The following STX10 variants were observed in gnomAD, a reference collection of about 807,000 sequenced individuals.
The protein encoded by STX10 is syntaxin 10, also known as syntaxin-10.
A neutral mutation model predicts 34.1 loss-of-function variants in STX10; 35 were observed. The observed-to-expected ratio is 1.03, with a 90% CI of 0.78 to 1.36. STX10 has a LOEUF of 1.36. Among genes scored for constraint, STX10 ranks in the 40% most tolerant of loss-of-function variants. STX10 has a pLI of 0.00. For missense variants in STX10, 361 were observed against 335.5 expected (o/e 1.08, Z -0.59); for synonymous variants, 155 against 132.9 (o/e 1.17, Z -1.15).
intron 5 of STX10, among the ~76,000 whole-genome samples, chr19:13,145,083 C>T (rs1215901876): frequency 6.6e-6 from 1 of 152,030 alleles, no homozygotes; most frequent in Non-Finnish European, 1.5e-5. Flanking sequence ...CCTGTAATCC[C>T]AGCTACTAGG....
intron 4 of STX10, 156 bp from the exon 5 acceptor site, chr19:13,145,551 C>A: frequency 1.6e-6 from 1 of 612,586 alleles, no homozygotes. Flanking sequence ...ACCCAGAGAC[C>A]CCATCATTTG....
chr19:13,145,210 C>T (rs906047670), intron 5 of STX10, 78 bp downstream of exon 5: 1 of 1,381,946 alleles, frequency 7.2e-7, no homozygotes, highest in Non-Finnish European at 1.0e-6. Context: ...ACAACAACAA[C>T]AACAAAAAGG....
chr19:13,145,185 C>T (rs1382825358), intron 5 of STX10, 103 bp downstream of exon 5: 7 of 1,141,136 alleles, frequency 6.1e-6, no homozygotes, highest in Non-Finnish European at 7.5e-6. Context: ...GGCGACAAAG[C>T]GAAACTCCAT....
rs184504099 is a variant in STX10 at position 13,150,326 on chromosome 19, C to A, written c.-153G>T. On this transcript the variant is annotated 5_prime_UTR_variant, in exon 1 of 8. Coordinates refer to ENST00000587230, the MANE Select transcript of STX10 (RefSeq NM_003765.3). The surrounding 1 kb of genome is among the most constrained non-coding windows in gnomAD (Gnocchi z 4.0). ...AGGGGAGAAAGAGAAGCCTCGGAGG[C>A]CCGACGTGCGGACACTTCCGCCCTC... 1,154 of 606,900 alleles carry A rather than the reference C, an allele frequency of 1.9e-3. 13 individuals are homozygous for A. The African/African-American group carries it at 0.02, about 11-fold the overall frequency. 37.6% of individuals were successfully genotyped at this position (606,900 alleles called of 1,614,324 possible). A position where few individuals can be genotyped will look rare whatever the true frequency, so the allele number is the denominator to read the frequency against.
chr19:13,144,552 T>C (rs754886474), intron 7 of STX10, 25 bp downstream of exon 7: 51 of 1,613,942 alleles, frequency 3.2e-5, no homozygotes, highest in Non-Finnish European at 4.1e-5. Context: ...CCACCAGGAC[T>C]GACCCCTCCC....
chr19:13,149,304 C>A (rs1030174499), intron 3 of STX10, among the ~76,000 whole-genome samples, 195 bp downstream of exon 3: 1 of 150,166 alleles, frequency 6.7e-6, no homozygotes, highest in Non-Finnish European at 1.5e-5. Flanking sequence ...CCCAGCTACT[C>A]AGGAGACTGA....
rs2020008694 is a variant in STX10 at position 13,149,744 on chromosome 19, G to A, written c.189C>T (p.Asp63=). Reference sequence around the variant, plus strand: ...CCAGGATATCGATGGTCTCTTCCAGGTCCTCGAGGTCCCACTCGATGCTGC... The same window carrying A: ...CCAGGATATCGATGGTCTCTTCCAGATCCTCGAGGTCCCACTCGATGCTGC... ...GLRSIEWDLE[D]LEETIGIVEA... The change falls in exon 2 of 8, where the codon GAC becomes GAT. Residue 63 remains aspartate (D), a synonymous_variant. Coordinates refer to ENST00000587230, the MANE Select transcript of STX10 (RefSeq NM_003765.3). The A allele has an allele frequency of 3.7e-6, 6 of 1,613,818 alleles. No individual in the cohort carries two copies. Among genetic ancestry groups the A allele is most frequent in the African/African-American group, 1.3e-5 (1 of 74,926 alleles).
At chr19:13,144,539 C>T (rs766962323) in intron 7 of STX10, 38 bp downstream of exon 7, 2 of 1,613,938 alleles carry the variant, frequency 1.2e-6, no homozygotes, top group Admixed American at 1.7e-5. Flanking sequence ...CTACAACCTG[C>T]CCCCACCAGG....
At position 13,150,263 on chromosome 19, in the gene STX10, C is replaced by A; in HGVS notation, c.-90G>T. 5 of 665,316 alleles carry A rather than the reference C, an allele frequency of 7.5e-6. No individual in the cohort carries two copies. The highest frequency in any genetic ancestry group is 5.0e-5 in the Admixed American group (2 of 39,930). 41.2% of individuals were successfully genotyped at this position (665,316 alleles called of 1,614,324 possible). The stretch of plus-strand genomic sequence containing the variant: ...CAACCGAGGAGAACGCGCCGCCACC[C>A]CCGCCCCCGTCACGCCACCATCGAG... On this transcript the variant is annotated 5_prime_UTR_variant, in exon 1 of 8. Transcript: ENST00000587230. The surrounding 1 kb of genome is among the most constrained non-coding windows in gnomAD (Gnocchi z 4.0).
rs754382220 is a variant in STX10, at chr19:13,144,352, C to A, written c.*58G>T. 1 of 1,578,880 alleles carries A rather than the reference C, an allele frequency of 6.3e-7. No homozygotes were observed. On this transcript the variant is annotated 3_prime_UTR_variant, in exon 8 of 8. Coordinates refer to ENST00000587230, the MANE Select transcript of STX10 (RefSeq NM_003765.3). ...CTCCTCCTAGGGGGCGAGGCCAGCT[C>A]CAAAGTGCTTGGTGGCTCCCCAGGC...
In STX10 at chr19:13,145,389, C is replaced by A. The variant is rs778427836; in HGVS notation, c.370G>T (p.Ala124Ser). 2.5e-6 allele frequency: 4 copies of A among 1,610,166 alleles called. No individual in the cohort carries two copies. Among genetic ancestry groups the A allele is most frequent in the Non-Finnish European group, 3.4e-6 (4 of 1,179,828 alleles). The part of the protein sequence containing the change: ...FLERNNREIL[A>S]GKPAAQKSPS... ...GACTTCTGGGCAGCTGGCTTGCCTG[C>A]GAGTATCTGCAGGGGCACACAACAT... The change falls in exon 5 of 8, where the codon GCA becomes TCA. Residue 124 changes from alanine (A) to serine (S), a missense_variant. Physicochemically the swap from Ala to Ser is moderately conservative, Grantham distance 99. Coordinates refer to ENST00000587230, the MANE Select transcript of STX10 (RefSeq NM_003765.3).
At position 13,145,317 on chromosome 19, in the gene STX10, A is replaced by G; in HGVS notation, c.442T>C (p.Tyr148His). Residue 148 changes from tyrosine to histidine, a missense_variant, in exon 5 of 8, where the codon TAC (tyrosine) becomes CAC (histidine). Transcript: ENST00000587230. ...TGTGTGGCCTGCTGCTCCTCGATGT[A>G]GCGAGATGTGGCCGAGACTGCGCTG... is the stretch of plus-strand genomic sequence containing the variant. ...DASAVSATSRYIEEQQATQQL... is the reference protein window; with the variant it reads ...DASAVSATSRHIEEQQATQQL... 1 of 1,611,734 alleles carries G rather than the reference A, an allele frequency of 6.2e-7. No homozygotes were observed. Among genetic ancestry groups the G allele is most frequent in the Non-Finnish European group, 8.5e-7 (1 of 1,179,978 alleles).
chr19:13,148,461 C>T (rs1568392923), intron 4 of STX10, among the ~76,000 whole-genome samples: 1 of 150,124 alleles, frequency 6.7e-6, no homozygotes, highest in Non-Finnish European at 1.5e-5. Context: ...CGAGATTGCA[C>T]CATTGCACTC....
chr19:13,149,559 G>C lies in STX10; in HGVS notation c.240C>G (p.Leu80=). 1 of 1,614,112 alleles carries C rather than the reference G, an allele frequency of 6.2e-7. No individual in the cohort carries two copies. The highest frequency in any genetic ancestry group is 8.5e-7 in the Non-Finnish European group (1 of 1,180,010). Residue 80 remains leucine (L), a synonymous_variant, in exon 3 of 8, where the codon CTC becomes CTG. Transcript: ENST00000587230. Reference sequence around the variant, plus strand: ...TTCTCTCCTGCAGGTCCCCGGCTGGGAGCTTGAACTTGCCTGGGTTGGCTT... The same window carrying C: ...TTCTCTCCTGCAGGTCCCCGGCTGGCAGCTTGAACTTGCCTGGGTTGGCTT... ...IVEANPGKFK[L]PAGDLQERKV... is the part of the protein sequence containing the mutation.
rs769482605 is a variant in STX10, at chr19:13,150,159, G to A, written c.15C>T (p.Asp5=). The A allele has an allele frequency of 8.6e-7, 1 of 1,169,586 alleles. No homozygotes were observed. 72.5% of individuals were successfully genotyped at this position (1,169,586 alleles called of 1,614,324 possible). A position where few individuals can be genotyped will look rare whatever the true frequency, so the allele number is the denominator to read the frequency against. MSLE[D]PFFVVRGEVQ... ...CTCACCCTCGGACTACAAAAAAGGG[G>A]TCTTCGAGAGACATGTCAGTCCCTT... Residue 5 remains aspartate, a synonymous_variant, in exon 1 of 8, where the codon GAC becomes GAT. Transcript: ENST00000587230. This position sits in a 1 kb window ranked among gnomAD's most constrained non-coding sequence, Gnocchi z 4.0.
At position 13,144,973 on chromosome 19, in the gene STX10, C is replaced by T. The variant is rs578075263; in HGVS notation, c.472-103G>A. 55 of 1,073,620 alleles carry T rather than the reference C, an allele frequency of 5.1e-5. No homozygotes were observed. In the African/African-American group the frequency reaches 5.3e-4, roughly 10 times the overall value. The allele number at this position is 1,073,620 out of a possible 1,614,324, so 66.5% of individuals were successfully genotyped here. On this transcript the variant is annotated intron_variant, in intron 5 of 7. Coordinates refer to ENST00000587230, the MANE Select transcript of STX10 (RefSeq NM_003765.3). ...CAGCACTCTGGGAGGCCGAGACAGG[C>T]GGATCACTTGAGGCCAGGAGTTCGA...
At chr19:13,148,476 C>G (rs1270855417) in intron 4 of STX10, among the ~76,000 whole-genome samples, 1 of 147,618 alleles carries the variant, frequency 6.8e-6, no homozygotes, top group African/African-American at 2.5e-5. Context: ...GCACTCCAGC[C>G]TGGGCAACAA....
rs2019841277 is a variant in STX10 at position 13,144,227 on chromosome 19, A to G, written c.*183T>C. 1.3e-6 allele frequency: 1 copy of G among 781,240 alleles called. No individual in the cohort carries two copies. Among genetic ancestry groups the G allele is most frequent in the Non-Finnish European group, 2.0e-6 (1 of 502,004 alleles). 48.4% of individuals were successfully genotyped at this position (781,240 alleles called of 1,614,324 possible). ...AGACAGGACCAGTGGTGGTGGTTCC[A>G]GCCCAGGGTCCTGAAGGGTCCCACT... On this transcript the variant is annotated 3_prime_UTR_variant, in exon 8 of 8. Coordinates refer to ENST00000587230, the MANE Select transcript of STX10 (RefSeq NM_003765.3).
At position 13,144,483 on chromosome 19, in the gene STX10, C is replaced by T. The variant is rs886222669; in HGVS notation, c.677G>A (p.Arg226His). 16 of 1,613,392 alleles carry T rather than the reference C, an allele frequency of 9.9e-6. No homozygotes were observed. The African/African-American group carries it at 1.3e-4, about 13-fold the overall frequency. Reference sequence around the variant, plus strand: ...CACGGCGATGGCACACCACTGTCGGCGGTCTGGGAACGAGAAGGTCAGGGG... The same window carrying T: ...CACGGCGATGGCACACCACTGTCGGTGGTCTGGGAACGAGAAGGTCAGGGG... The part of the protein sequence containing the change: ...LAKVSHMTSD[R>H]RQWCAIAVLV... The change falls in exon 8 of 8, where the codon CGC (arginine) becomes CAC (histidine). Residue 226 changes from arginine to histidine, a missense_variant. Physicochemically the swap from Arg to His is conservative, Grantham distance 29. Coordinates refer to ENST00000587230, the MANE Select transcript of STX10 (RefSeq NM_003765.3).
Sources: allele counts gnomAD v4.1 joint callset (sites outside exome capture counted in the v4.1 genomes callset), GRCh38; gene constraint gnomAD v4.1.1; non-coding constraint Gnocchi (gnomAD v3.1); transcripts MANE v1.5; gene names NCBI Gene and HGNC (gene_info 2026-07-23, HGNC 2026-07-21).